Variants in ADCY2 observed in about 807,000 individuals in gnomAD.
ADCY2 encodes the protein adenylate cyclase 2.
ADCY2 carries 31 observed loss-of-function variants against 125.2 expected under a neutral mutation model. That is an observed-to-expected ratio of 0.25 (90% CI 0.19 to 0.33). ADCY2 has a LOEUF of 0.33. Among genes scored for constraint, ADCY2 ranks in the 10% least tolerant of loss-of-function variants. The pLI, the probability that ADCY2 is intolerant of heterozygous loss-of-function variation, is 1.00. For synonymous variants in ADCY2, 512 were observed against 548.4 expected, an observed-to-expected ratio of 0.93 and a Z score of 0.93; for missense variants, 904 against 1,418.2, an observed-to-expected ratio of 0.64 and a Z score of 5.82.
chr5:7,731,253 ATTT>A (rs34190695), intron 14 of ADCY2, among the ~76,000 whole-genome samples: 85 of 136,678 alleles, frequency 6.2e-4, no homozygotes, highest in African/African-American at 2.1e-3. Context: ...TTCCTTGCAG[ATTT>A]TTTTTTTTTT....
chr5:7,793,774 C>A (rs1315231093), intron 20 of ADCY2: 1 of 152,236 alleles, frequency 6.6e-6, no homozygotes, highest in African/African-American at 2.4e-5. Flanking sequence ...AGGGACCTGT[C>A]TTTAAGCATT....
At chr5:7,702,960 A>G (rs377707510) in intron 7 of ADCY2, among the ~76,000 whole-genome samples, 4 of 151,912 alleles carry the variant, frequency 2.6e-5, no homozygotes, top group African/African-American at 7.3e-5. Flanking sequence ...GTTTTGATTT[A>G]CATTTCTCTG....
At chr5:7,508,556 C>G (rs1743933625) in intron 2 of ADCY2, among the ~76,000 whole-genome samples, 2 of 152,130 alleles carry the variant, frequency 1.3e-5, no homozygotes, top group South Asian at 4.1e-4. Flanking sequence ...TCCAAGAGGG[C>G]TGGCAAAAAT....
chr5:7,821,161 C>T (rs181498637), intron 24 of ADCY2, among the ~76,000 whole-genome samples: 14 of 152,228 alleles, frequency 9.2e-5, no homozygotes, highest in Admixed American at 9.2e-4. Context: ...AATGGCAGCT[C>T]TGGAATCCAC....
intron 24 of ADCY2, among the ~76,000 whole-genome samples, chr5:7,823,454 T>C (rs1281806638): frequency 1.3e-5 from 2 of 152,138 alleles, no homozygotes; most frequent in Middle Eastern, 3.2e-3. Context: ...AGAACAAGAA[T>C]CGTGGGGCGT....
intron 2 of ADCY2, among the ~76,000 whole-genome samples, chr5:7,492,240 G>C (rs985447382): frequency 1.3e-5 from 2 of 152,176 alleles, no homozygotes; most frequent in Non-Finnish European, 2.9e-5. Flanking sequence ...GGCGTATGTT[G>C]GTCAGTGACA....
intron 1 of ADCY2, among the ~76,000 whole-genome samples, chr5:7,397,574 G>A (rs896708283): frequency 1.3e-5 from 2 of 150,350 alleles, no homozygotes; most frequent in East Asian, 2.0e-4. Flanking sequence ...CCAAAGAAGT[G>A]GATTTTGCTT....
At chr5:7,555,080 A>C (rs549670495) in intron 3 of ADCY2, among the ~76,000 whole-genome samples, 48 of 152,308 alleles carry the variant, frequency 3.2e-4, no homozygotes. Flanking sequence ...TGTGCACTGA[A>C]TTCATCAATG....
At chr5:7,654,472 G>A (rs1387261090) in intron 4 of ADCY2, among the ~76,000 whole-genome samples, 1 of 152,172 alleles carries the variant, frequency 6.6e-6, no homozygotes, top group South Asian at 2.1e-4. Flanking sequence ...ACATCCTTGA[G>A]TAGGAAGGAA....
intron 4 of ADCY2, among the ~76,000 whole-genome samples, chr5:7,646,051 G>T (rs1404350727): frequency 6.6e-6 from 1 of 152,064 alleles, no homozygotes; most frequent in Admixed American, 6.6e-5. Context: ...CATCTATTAT[G>T]GCATGGCATT....
chr5:7,603,784 C>CTTTTTTTTTTTTTTTTTTTTTTTTCT (rs1737300630), intron 3 of ADCY2, among the ~76,000 whole-genome samples: 1 of 62,800 alleles, frequency 1.6e-5, no homozygotes, highest in Non-Finnish European at 2.7e-5. Flanking sequence ...TGCTCTCTTT[C>CTTTTTTTTTTTTTTTTTTTTTTTTCT]TTTTTTTTTT....
At chr5:7,761,106 A>G (rs999012866) in intron 16 of ADCY2, among the ~76,000 whole-genome samples, 3 of 135,388 alleles carry the variant, frequency 2.2e-5, no homozygotes, top group African/African-American at 5.5e-5. Flanking sequence ...ATAATATTCC[A>G]TTGTGTATGT....
Position 7,698,367 on chromosome 5 carries a change from G to T in ADCY2, c.1102G>T (p.Ala368Ser), listed in dbSNP as rs756517626. 1.2e-6 allele frequency: 2 copies of T among 1,614,124 alleles called. No individual in the cohort carries two copies. The highest frequency in any genetic ancestry group is 1.1e-5 in the South Asian group (1 of 91,078). ...GAAAATGGGGCTGGACATGTGTGAA[G>T]CCATAAAGTAAGTGGACTGCTTAGT... ...CVKMGLDMCE[A>S]IKKVRDATGV... Residue 368 changes from alanine (A) to serine (S), a missense_variant, in exon 7 of 25, where the codon GCC becomes TCC. Ala to Ser is a moderately conservative substitution (Grantham distance 99). Coordinates refer to ENST00000338316, the MANE Select transcript of ADCY2 (RefSeq NM_020546.3).
intron 2 of ADCY2, among the ~76,000 whole-genome samples, chr5:7,438,978 T>C (rs533470347): frequency 6.6e-6 from 1 of 152,278 alleles, no homozygotes; most frequent in East Asian, 1.9e-4. Flanking sequence ...AAGGGTCATG[T>C]CCTCATTTCC....
chr5:7,454,783 A>G (rs530211020), intron 2 of ADCY2, among the ~76,000 whole-genome samples: 1 of 152,116 alleles, frequency 6.6e-6, no homozygotes, highest in Admixed American at 6.6e-5. Context: ...TTGTATCTTC[A>G]ATTTAGTAGC....
intron 2 of ADCY2, among the ~76,000 whole-genome samples, chr5:7,515,759 T>A (rs1318789986): frequency 6.6e-6 from 1 of 152,142 alleles, no homozygotes; most frequent in Non-Finnish European, 1.5e-5. Flanking sequence ...GCATCTACCA[T>A]ATGTGAGGTA....
At chr5:7,815,448 G>T (rs1745078680) in intron 22 of ADCY2, among the ~76,000 whole-genome samples, 1 of 152,202 alleles carries the variant, frequency 6.6e-6, no homozygotes, top group Non-Finnish European at 1.5e-5. Context: ...GGCTGGAACA[G>T]AAACCGTGCT....
At chr5:7,650,587 G>T (rs1007219621) in intron 4 of ADCY2, among the ~76,000 whole-genome samples, 1 of 152,144 alleles carries the variant, frequency 6.6e-6, no homozygotes, top group Non-Finnish European at 1.5e-5. Flanking sequence ...AGCCCACTGC[G>T]TGGGAGCCTC....
intron 17 of ADCY2, among the ~76,000 whole-genome samples, chr5:7,769,333 C>A (rs1743488820): frequency 6.6e-6 from 1 of 151,904 alleles, no homozygotes. Flanking sequence ...TGCTTAACCA[C>A]CATATAAGAC....
Sources: gnomAD v4.1 joint callset for allele counts (sites outside exome capture counted in the v4.1 genomes callset) on GRCh38, gnomAD v4.1.1 for gene constraint, MANE v1.5 for transcripts, NCBI Gene and HGNC (gene_info 2026-07-23, HGNC 2026-07-21) for gene names.